ADARB1: variants seen among roughly 807,000 people sequenced by gnomAD.
ADARB1 encodes double-stranded RNA-specific editase 1.
ADARB1 carries 10 observed loss-of-function variants against 52.4 expected under a neutral mutation model. The ratio of observed to expected loss-of-function variants is 0.19; its 90% CI spans 0.12 to 0.32. The LOEUF is 0.32. ADARB1 is among the 10% of genes least tolerant of loss of function. The pLI, the probability that ADARB1 is intolerant of heterozygous loss-of-function variation, is 1.00. For missense variants in ADARB1, 643 were observed against 922.3 expected (o/e 0.70, Z 3.92); for synonymous variants, 349 against 371.1 (o/e 0.94, Z 0.68).
intron 1 of ADARB1, among the ~76,000 whole-genome samples, chr21:45,103,482 A>G (rs996339227): frequency 1.3e-5 from 2 of 151,516 alleles, no homozygotes; most frequent in African/African-American, 4.9e-5. Flanking sequence ...ATCGGGGGTA[A>G]GGGGAGACAG....
intron 2 of ADARB1, among the ~76,000 whole-genome samples, chr21:45,154,550 T>A (rs2090460137): frequency 6.6e-6 from 1 of 152,178 alleles, no homozygotes; most frequent in Non-Finnish European, 1.5e-5. Context: ...AAAATGTAAT[T>A]CTTTGATGAA....
chr21:45,179,576 A>C (rs1476644313), intron 4 of ADARB1, among the ~76,000 whole-genome samples: 1 of 152,238 alleles, frequency 6.6e-6, no homozygotes, highest in Non-Finnish European at 1.5e-5. Flanking sequence ...TGTTCTCAGA[A>C]GCACTTTAAT....
At position 45,222,836 on chromosome 21, in the gene ADARB1, C is replaced by T. The variant is rs938675660; in HGVS notation, c.*639C>T. ...GGAGCAGACTCCCAGCATGGTGTAG[C>T]GTGGCCCTGTCATGCACATGGGGTC... is the stretch of plus-strand genomic sequence containing the variant. On this transcript the variant is annotated 3_prime_UTR_variant, in exon 11 of 11. Coordinates refer to ENST00000348831, the MANE Select transcript of ADARB1 (RefSeq NM_001112.4). 1.3e-5 allele frequency: 13 copies of T among 985,380 alleles called. No individual in the cohort carries two copies. Among genetic ancestry groups the T allele is most frequent in the Admixed American group, 6.1e-5 (1 of 16,270 alleles). The allele number at this position is 985,380 out of a possible 1,614,324, so 61.0% of individuals were successfully genotyped here.
intron 2 of ADARB1, among the ~76,000 whole-genome samples, chr21:45,135,327 C>T (rs73384721): frequency 0.026 from 3,886 of 152,336 alleles, 183 homozygotes; most frequent in African/African-American, 0.088. Flanking sequence ...GTGTGCTGAC[C>T]GGCCTGCCAG....
At chr21:45,186,182 A>G (rs1259014935) in intron 8 of ADARB1, among the ~76,000 whole-genome samples, 1 of 152,248 alleles carries the variant, frequency 6.6e-6, no homozygotes, top group Non-Finnish European at 1.5e-5. Context: ...ATTTACAGAA[A>G]TGATACTATG....
At chr21:45,121,592 C>G (rs1312802590) in intron 1 of ADARB1, among the ~76,000 whole-genome samples, 1 of 152,174 alleles carries the variant, frequency 6.6e-6, no homozygotes, top group Non-Finnish European at 1.5e-5. Flanking sequence ...TTGGTACTTT[C>G]TGTCTCTCGT....
intron 3 of ADARB1, among the ~76,000 whole-genome samples, chr21:45,173,002 C>T (rs1159942011): frequency 2.0e-5 from 3 of 152,206 alleles, no homozygotes; most frequent in South Asian, 2.1e-4. Flanking sequence ...GTGCTTGGCC[C>T]GTGCAGTAGC....
rs555468658 is a variant in ADARB1 at position 45,119,982 on chromosome 21, G to A, written c.-219-8420G>A. 2.6e-5 allele frequency among the ~76,000 whole-genome samples: 4 copies of A among 152,338 alleles called. No individual in the cohort carries two copies. In the South Asian group the frequency reaches 6.2e-4, roughly 24 times the overall value. On this transcript the variant is annotated intron_variant, in intron 1 of 10. Coordinates refer to ENST00000348831, the MANE Select transcript of ADARB1 (RefSeq NM_001112.4). ...AGGACTTTGTGGCCCCCACGTGGGC[G>A]CATTACCAAGCTTTGCAGCTCTGCA... is the stretch of plus-strand genomic sequence containing the variant.
intron 1 of ADARB1, among the ~76,000 whole-genome samples, chr21:45,084,077 G>A (rs553080394): frequency 4.6e-5 from 7 of 152,342 alleles, no homozygotes; most frequent in Admixed American, 1.3e-4. Context: ...GATCAGGATT[G>A]TAATCCCAGC....
In ADARB1 at chr21:45,222,209, A is replaced by G. The variant is rs746241242; in HGVS notation, c.*12A>G. ...CACTCACGCCCTGACCCGGGCAGAC[A>G]TGATGGGGGGTGCAGGGGGCTGTGG... On this transcript the variant is annotated 3_prime_UTR_variant, in exon 11 of 11. Transcript: ENST00000348831. The G allele has an allele frequency of 3.2e-6, 5 of 1,539,130 alleles. No homozygotes were observed. The highest frequency in any genetic ancestry group is 1.3e-5 in the South Asian group (1 of 78,968).
chr21:45,182,549 A>G, intron 5 of ADARB1, 36 bp from the exon 6 acceptor site: 1 of 1,573,920 alleles, frequency 6.4e-7, no homozygotes, highest in Non-Finnish European at 8.6e-7. Flanking sequence ...ATTACTGTGA[A>G]TTACAGAAAA....
chr21:45,201,237 G>A (rs368973853), intron 8 of ADARB1, among the ~76,000 whole-genome samples: 3 of 152,158 alleles, frequency 2.0e-5, no homozygotes, highest in East Asian at 1.9e-4. Context: ...GGCGCTAGGC[G>A]ATTTCATCCT....
chr21:45,173,280 G>C (rs1312779234), intron 3 of ADARB1, among the ~76,000 whole-genome samples: 2 of 152,208 alleles, frequency 1.3e-5, no homozygotes, highest in Admixed American at 1.3e-4. Context: ...GCCCTGTCAT[G>C]ATCAGTATTT....
intron 3 of ADARB1, 148 bp from the exon 4 acceptor site, chr21:45,175,582 A>C: frequency 1.2e-6 from 1 of 802,294 alleles, no homozygotes; most frequent in Non-Finnish European, 2.0e-6. Flanking sequence ...AACTAAATGT[A>C]TAACTCTTCA....
chr21:45,139,878 T>C (rs1319637739), intron 2 of ADARB1, among the ~76,000 whole-genome samples: 1 of 152,072 alleles, frequency 6.6e-6, no homozygotes, highest in African/African-American at 2.4e-5. Flanking sequence ...TTCTGGGATC[T>C]CTTGATTTTT....
In ADARB1 at chr21:45,115,440, A is replaced by G. The variant is rs184448160; in HGVS notation, c.-219-12962A>G. ...TAGCCGGTCAGGGCGATGTCTCTGG[A>G]TCACTCAACTTGTCCCTGACAGAGC... is the stretch of plus-strand genomic sequence containing the variant. On this transcript the variant is annotated intron_variant, in intron 1 of 10. Transcript: ENST00000348831. Among the ~76,000 whole-genome samples, 7 of 152,356 alleles carry G rather than the reference A, an allele frequency of 4.6e-5. No individual in the cohort carries two copies. In the East Asian group the frequency reaches 1.3e-3, roughly 29 times the overall value.
In ADARB1 at chr21:45,204,598, G is replaced by A. The variant is rs367731799; in HGVS notation, c.1609G>A (p.Val537Met). ...CCAGGGATCCCTGCTCAGCATTTTC[G>A]TGGAGCCCATTTACTTCTCGAGCAT... ...GIQGSLLSIF[V>M]EPIYFSSIIL... The change falls in exon 9 of 11, where the codon GTG (valine) becomes ATG (methionine). Residue 537 changes from valine (V) to methionine (M), a missense_variant. Physicochemically the swap from Val to Met is conservative, Grantham distance 21 (BLOSUM62 1). Coordinates refer to ENST00000348831, the MANE Select transcript of ADARB1 (RefSeq NM_001112.4). This position sits in a 1 kb window ranked among gnomAD's most constrained non-coding sequence, Gnocchi z 4.4. The A allele has an allele frequency of 8.1e-6, 13 of 1,614,054 alleles. No homozygotes were observed. Among genetic ancestry groups the A allele is most frequent in the African/African-American group, 2.7e-5 (2 of 74,986 alleles).
chr21:45,075,245 G>T (rs1274280514), intron 1 of ADARB1, among the ~76,000 whole-genome samples: 5 of 151,738 alleles, frequency 3.3e-5, no homozygotes, highest in African/African-American at 4.8e-5. Flanking sequence ...GCCGGGGAAC[G>T]GGAGGCTGCG....
chr21:45,191,437 T>G (rs556174468), intron 8 of ADARB1, among the ~76,000 whole-genome samples: 2 of 152,248 alleles, frequency 1.3e-5, no homozygotes, highest in Non-Finnish European at 2.9e-5. Flanking sequence ...GTAGCCTTCA[T>G]CATGCTAGGA....
Sources: allele counts gnomAD v4.1 joint callset (sites outside exome capture counted in the v4.1 genomes callset), GRCh38; gene constraint gnomAD v4.1.1; non-coding constraint Gnocchi (gnomAD v3.1); transcripts MANE v1.5; gene names NCBI Gene and HGNC (gene_info 2026-07-23, HGNC 2026-07-21).